The following DTNA variants were observed in gnomAD, a reference collection of about 807,000 sequenced individuals.
DTNA encodes dystrophin-related protein 3.
Under a neutral mutation model 100.7 loss-of-function variants are expected in DTNA, and 43 were observed. The ratio of observed to expected loss-of-function variants is 0.43; its 90% CI spans 0.33 to 0.55. The LOEUF is 0.55. DTNA is among the 20% of genes least tolerant of loss of function. The pLI, the probability that DTNA is intolerant of heterozygous loss-of-function variation, is 0.04. For synonymous variants in DTNA, 349 were observed against 347.9 expected (o/e 1.00, Z -0.04); for missense variants, 798 against 953.9 (o/e 0.84, Z 2.15).
intron 1 of DTNA, among the ~76,000 whole-genome samples, chr18:34,592,725 G>A (rs915852240): frequency 2.0e-5 from 3 of 151,868 alleles, no homozygotes; most frequent in African/African-American, 7.3e-5. Context: ...CTCTTCTAAC[G>A]GATCCCAACT....
rs189163001 is a variant in DTNA at position 34,802,962 on chromosome 18, C to A, written c.363-3257C>A. On this transcript the variant is annotated intron_variant, in intron 4 of 22. Transcript: ENST00000444659. ...CCTCCTCTTCACCCTGTTATATTTA[C>A]AAATAATGTTCTTTTAAAAAAGATC... Among the ~76,000 whole-genome samples the A allele has an allele frequency of 2.4e-4, 37 of 152,262 alleles. No individual in the cohort carries two copies. In the East Asian group the frequency reaches 6.8e-3, roughly 28 times the overall value.
At position 34,528,242 on chromosome 18, in the gene DTNA, T is replaced by G. The variant is rs534609495; in HGVS notation, c.-2+34728T>G. On this transcript the variant is annotated intron_variant, in intron 1 of 19. Coordinates refer to the DTNA transcript ENST00000283365. ...ACTCAAGGAACTTCTGCCAAATCTGTTAGAATTAATTGTTAAAGTTACTTG... is the reference window on the plus strand; with the variant it reads ...ACTCAAGGAACTTCTGCCAAATCTGGTAGAATTAATTGTTAAAGTTACTTG... Among the ~76,000 whole-genome samples, 16 of 152,162 alleles carry G rather than the reference T, an allele frequency of 1.1e-4. No homozygotes were observed. In the South Asian group the frequency reaches 3.3e-3, roughly 32 times the overall value.
chr18:34,873,715 A>G (rs1429725520), intron 17 of DTNA, among the ~76,000 whole-genome samples: 1 of 152,246 alleles, frequency 6.6e-6, no homozygotes, highest in African/African-American at 2.4e-5. Flanking sequence ...TGAACATCAT[A>G]AGGCACAACG....
intron 1 of DTNA, among the ~76,000 whole-genome samples, chr18:34,619,720 T>C (rs1008452329): frequency 2.6e-5 from 4 of 151,840 alleles, no homozygotes; most frequent in African/African-American, 7.3e-5. Flanking sequence ...GAGTTGGAGG[T>C]TTTAGTGGGA....
upstream of DTNA, among the ~76,000 whole-genome samples, chr18:34,709,950 T>A (rs530477963): frequency 1.3e-5 from 2 of 152,332 alleles, no homozygotes; most frequent in South Asian, 2.1e-4. Context: ...AGTTAGTAAC[T>A]GACATTTAAA....
intron 1 of DTNA, among the ~76,000 whole-genome samples, chr18:34,703,117 C>G (rs538241120): frequency 1.3e-5 from 2 of 152,084 alleles, no homozygotes; most frequent in Admixed American, 6.5e-5. Flanking sequence ...AAAGCTCAAC[C>G]GCAGGATTGA....
intron 5 of DTNA, among the ~76,000 whole-genome samples, chr18:34,810,359 A>G (rs939274400): frequency 1.3e-5 from 2 of 152,142 alleles, no homozygotes; most frequent in African/African-American, 2.4e-5. Flanking sequence ...GCCATAAAAA[A>G]GAATGAAATC....
rs1384872434 is a variant in DTNA, at chr18:34,879,592, G to T, written c.2035G>T (p.Ala679Ser). The change falls in exon 20 of 23, where the codon GCA becomes TCA. Residue 679 changes from alanine to serine, a missense_variant. Around this residue, in one of 6 missense-constraint regions of DTNA, gnomAD observed 242 missense variants for 238.2 expected, o/e 1.02. Transcript: ENST00000444659. ...AGAGAGTAATGTGGATTCTGAATTT[G>T]CACGGACTCAGTTTGAGGATCTTGT... ...ETESNVDSEF[A>S]RTQFEDLVPS... 6.2e-7 allele frequency: 1 copy of T among 1,614,014 alleles called. No individual in the cohort carries two copies. Among genetic ancestry groups the T allele is most frequent in the Admixed American group, 1.7e-5 (1 of 60,014 alleles).
At chr18:34,636,324 A>T (rs1467326714) in intron 1 of DTNA, among the ~76,000 whole-genome samples, 1 of 152,158 alleles carries the variant, frequency 6.6e-6, no homozygotes, top group Non-Finnish European at 1.5e-5. Flanking sequence ...CACATTGATC[A>T]GGCTGGTCTC....
At chr18:34,546,314 C>T (rs1238195755) in intron 1 of DTNA, among the ~76,000 whole-genome samples, 1 of 152,078 alleles carries the variant, frequency 6.6e-6, no homozygotes, top group Non-Finnish European at 1.5e-5. Flanking sequence ...ACCTTATGTT[C>T]ATTCTGCAAC....
chr18:34,533,371 CAA>C (rs574923147), intron 1 of DTNA, among the ~76,000 whole-genome samples: 27 of 85,114 alleles, frequency 3.2e-4, no homozygotes, highest in Admixed American at 4.0e-4. Context: ...AACTCCATCT[CAA>C]AAAAAAAAAA....
chr18:34,774,794 C>T (rs960653290), intron 3 of DTNA, among the ~76,000 whole-genome samples: 1 of 152,130 alleles, frequency 6.6e-6, no homozygotes, highest in African/African-American at 2.4e-5. Context: ...ATTTATTCAG[C>T]GAATCCTTTT....
chr18:34,825,339 T>G, intron 9 of DTNA: 2 of 1,603,286 alleles, frequency 1.2e-6, no homozygotes, highest in Non-Finnish European at 1.7e-6. Context: ...TAAGTGGGGA[T>G]GAGACACAAA....
At chr18:34,529,341 G>A (rs896489206) in intron 1 of DTNA, among the ~76,000 whole-genome samples, 1 of 151,918 alleles carries the variant, frequency 6.6e-6, no homozygotes, top group African/African-American at 2.4e-5. Flanking sequence ...GTATAATATG[G>A]CAAGGTAAAC....
chr18:34,701,643 C>T (rs1160118739), intron 1 of DTNA, among the ~76,000 whole-genome samples: 2 of 152,180 alleles, frequency 1.3e-5, no homozygotes, highest in Admixed American at 1.3e-4. Flanking sequence ...CTGTTCCTGG[C>T]ACACACCTCT....
At chr18:34,886,258 C>T (rs1423108284) in intron 22 of DTNA, among the ~76,000 whole-genome samples, 2 of 152,216 alleles carry the variant, frequency 1.3e-5, no homozygotes, top group Admixed American at 1.3e-4. Context: ...GGAGTAATTG[C>T]TATGATCATA....
At chr18:34,702,110 G>C (rs2081461089) in intron 1 of DTNA, among the ~76,000 whole-genome samples, 1 of 152,156 alleles carries the variant, frequency 6.6e-6, no homozygotes, top group African/African-American at 2.4e-5. Context: ...CAGTGCTCCA[G>C]CCACACTGCT....
Position 34,879,604 on chromosome 18 carries a change from T to C in DTNA, c.2047T>C (p.Phe683Leu). ...NVDSEFARTQ[F>L]EDLVPSPTSE... ...GGATTCTGAATTTGCACGGACTCAG[T>C]TTGAGGATCTTGTTCCCTCACCAAC... Residue 683 changes from phenylalanine to leucine, a missense_variant, in exon 20 of 23, where the codon TTT becomes CTT. Around this residue, in one of 6 missense-constraint regions of DTNA, gnomAD observed 242 missense variants for 238.2 expected, o/e 1.02. Transcript: ENST00000444659. 1.9e-6 allele frequency: 3 copies of C among 1,614,030 alleles called. No individual in the cohort carries two copies.
chr18:34,773,633 G>A (rs1052452138), intron 3 of DTNA, among the ~76,000 whole-genome samples: 2 of 152,164 alleles, frequency 1.3e-5, no homozygotes, highest in Non-Finnish European at 2.9e-5. Context: ...GTGCTAGAAT[G>A]CAACGTTCCC....
Sources: allele counts gnomAD v4.1 joint callset (sites outside exome capture counted in the v4.1 genomes callset), GRCh38; gene constraint gnomAD v4.1.1; regional missense constraint gnomAD v4.1.1; transcripts MANE v1.5; gene names NCBI Gene and HGNC (gene_info 2026-07-23, HGNC 2026-07-21).